Variants in SLC25A31 observed in about 807,000 individuals in gnomAD.
The protein encoded by SLC25A31 is ADP/ATP translocase 4.
A neutral mutation model predicts 36.2 loss-of-function variants in SLC25A31; 40 were observed. That is an observed-to-expected ratio of 1.10 (90% CI 0.86 to 1.44). The LOEUF is 1.44. Ranked by LOEUF, SLC25A31 falls within the 40% of genes most tolerant of loss-of-function variation. The probability of loss-of-function intolerance (pLI) is 0.00; values close to 1 mark genes in which losing one functional copy is unlikely to be tolerated. For missense variants in SLC25A31, 350 were observed against 397.1 expected (o/e 0.88, Z 1.01); for synonymous variants, 143 against 149.7 (o/e 0.96, Z 0.32).
intron 2 of SLC25A31, among the ~76,000 whole-genome samples, chr4:127,745,989 G>GT (rs1731819296): frequency 6.6e-6 from 1 of 151,954 alleles, no homozygotes; most frequent in South Asian, 2.1e-4. Context: ...CCCAATGTCT[G>GT]TTTTTTCCTT....
Position 127,744,789 on chromosome 4 carries a change from A to G in SLC25A31, c.350A>G (p.Lys117Arg). 6.6e-7 allele frequency: 1 copy of G among 1,520,952 alleles called. No homozygotes were observed. The highest frequency in any genetic ancestry group is 8.9e-7 in the Non-Finnish European group (1 of 1,127,116). The allele number at this position is 1,520,952 out of a possible 1,614,324, so 94.2% of individuals were successfully genotyped here. The change falls in exon 2 of 6, where the codon AAA (lysine) becomes AGA (arginine). Residue 117 changes from lysine to arginine, a missense_variant. Physicochemically the swap from Lys to Arg is conservative, Grantham distance 26 (BLOSUM62 2). Transcript: ENST00000281154. Reference sequence around the variant, plus strand: ...CAGCTATTCATGTCTGGAGTTAATAAAGAAAAACAGGTAATTATATTTTTT... The same window carrying G: ...CAGCTATTCATGTCTGGAGTTAATAGAGAAAAACAGGTAATTATATTTTTT... ...YKQLFMSGVNKEKQFWRWFLA... is the reference protein window; with the variant it reads ...YKQLFMSGVNREKQFWRWFLA...
At position 127,730,424 on chromosome 4, in the gene SLC25A31, C is replaced by A. The variant is rs1026903982; in HGVS notation, c.-122C>A. ...CGCCGGCGCGCGGCTCTCTCAGCGT[C>A]CCAAGAGCCACTTTCTCGCCAGTAC... is the stretch of plus-strand genomic sequence containing the variant. On this transcript the variant is annotated 5_prime_UTR_variant, in exon 1 of 6. Transcript: ENST00000281154. 1 of 1,102,154 alleles carries A rather than the reference C, an allele frequency of 9.1e-7. No individual in the cohort carries two copies. Among genetic ancestry groups the A allele is most frequent in the African/African-American group, 1.6e-5 (1 of 63,488 alleles). 68.3% of individuals were successfully genotyped at this position (1,102,154 alleles called of 1,614,324 possible). A position where few individuals can be genotyped will look rare whatever the true frequency, so the allele number is the denominator to read the frequency against.
intron 1 of SLC25A31, among the ~76,000 whole-genome samples, chr4:127,734,129 A>G (rs1731579767): frequency 6.6e-6 from 1 of 152,236 alleles, no homozygotes; most frequent in African/African-American, 2.4e-5. Flanking sequence ...TAGAAAATAT[A>G]AAGAAGCAAA....
chr4:127,768,408 G>T (rs1280552150), intron 4 of SLC25A31, among the ~76,000 whole-genome samples: 1 of 152,158 alleles, frequency 6.6e-6, no homozygotes, highest in South Asian at 2.1e-4. Context: ...ATGTGTTGAT[G>T]ATAAAAGCAA....
chr4:127,768,907 T>C, intron 5 of SLC25A31, 30 bp downstream of exon 5: 1 of 1,551,902 alleles, frequency 6.4e-7, no homozygotes, highest in Non-Finnish European at 8.6e-7. Context: ...CTAAGCTTAG[T>C]TGAGTTTTTA....
chr4:127,730,864 G>T (rs1435734910), intron 1 of SLC25A31, 87 bp downstream of exon 1: 26 of 1,275,858 alleles, frequency 2.0e-5, no homozygotes, highest in Non-Finnish European at 2.8e-5. Context: ...GGGCATGATT[G>T]TGGGCCCCAC....
chr4:127,734,526 C>T (rs1731586906), intron 1 of SLC25A31, among the ~76,000 whole-genome samples: 1 of 141,090 alleles, frequency 7.1e-6, no homozygotes, highest in Non-Finnish European at 1.5e-5. Flanking sequence ...TGCCACTACA[C>T]TCCATCCTGG....
At chr4:127,760,937 G>T (rs561484691) in intron 2 of SLC25A31, among the ~76,000 whole-genome samples, 1 of 152,306 alleles carries the variant, frequency 6.6e-6, no homozygotes, top group Non-Finnish European at 1.5e-5. Context: ...ACTCCAGCCT[G>T]GGCGGGGGGA....
At chr4:127,752,484 G>T (rs192321999) in intron 2 of SLC25A31, among the ~76,000 whole-genome samples, 1 of 151,920 alleles carries the variant, frequency 6.6e-6, no homozygotes, top group Admixed American at 6.6e-5. Context: ...GAGTTAATGG[G>T]TGCAGGACAC....
Position 127,763,043 on chromosome 4 carries a change from C to T in SLC25A31, c.361-1200C>T, listed in dbSNP as rs898826921. 4.6e-5 allele frequency among the ~76,000 whole-genome samples: 7 copies of T among 151,846 alleles called. No homozygotes were observed. The South Asian group carries it at 6.2e-4, about 13-fold the overall frequency. ...AAAAATAAGAGTCTGTGCAGTGAGT[C>T]GAGATCGCGCCACTGCACTCCAGCT... is the stretch of plus-strand genomic sequence containing the variant. On this transcript the variant is annotated intron_variant, in intron 2 of 5. Coordinates refer to ENST00000281154, the MANE Select transcript of SLC25A31 (RefSeq NM_031291.4).
At chr4:127,767,264 C>T in intron 4 of SLC25A31, 44 bp downstream of exon 4, 2 of 1,373,018 alleles carry the variant, frequency 1.5e-6, no homozygotes, top group South Asian at 1.9e-5. Context: ...TATATGGTTT[C>T]CATTTATTTA....
At chr4:127,762,923 C>CAAA (rs372222384) in intron 2 of SLC25A31, among the ~76,000 whole-genome samples, 1 of 72,226 alleles carries the variant, frequency 1.4e-5, no homozygotes. Flanking sequence ...GACTCTGTCT[C>CAAA]AAAAAAAAAA....
chr4:127,754,419 G>A (rs1731991935), intron 2 of SLC25A31, among the ~76,000 whole-genome samples: 1 of 151,792 alleles, frequency 6.6e-6, no homozygotes, highest in South Asian at 2.1e-4. Context: ...TGTTAGTACT[G>A]GTAAATGAAT....
At chr4:127,763,546 G>A (rs1578669853) in intron 2 of SLC25A31, among the ~76,000 whole-genome samples, 2 of 152,128 alleles carry the variant, frequency 1.3e-5, no homozygotes, top group South Asian at 2.1e-4. Flanking sequence ...AACCTGGGGA[G>A]GGCACATTTT....
At chr4:127,739,830 G>A (rs1397546564) in intron 1 of SLC25A31, among the ~76,000 whole-genome samples, 1 of 151,604 alleles carries the variant, frequency 6.6e-6, no homozygotes, top group East Asian at 1.9e-4. Flanking sequence ...CAGTCTTCAA[G>A]CTCTGCATTT....
At chr4:127,742,111 A>G (rs1731743339) in intron 1 of SLC25A31, among the ~76,000 whole-genome samples, 1 of 152,032 alleles carries the variant, frequency 6.6e-6, no homozygotes, top group Admixed American at 6.5e-5. Context: ...ATAAACTCTT[A>G]GTTTGACTGA....
chr4:127,758,057 C>T (rs1389523357), intron 2 of SLC25A31, among the ~76,000 whole-genome samples: 2 of 152,060 alleles, frequency 1.3e-5, no homozygotes, highest in East Asian at 3.9e-4. Context: ...AGTGGAAACC[C>T]CTGATAAACC....
chr4:127,744,068 C>T (rs1420327597), intron 1 of SLC25A31, among the ~76,000 whole-genome samples: 1 of 152,050 alleles, frequency 6.6e-6, no homozygotes, highest in Non-Finnish European at 1.5e-5. Context: ...TTGGTCAATC[C>T]CTGGAGAATT....
At chr4:127,760,723 T>C (rs969054391) in intron 2 of SLC25A31, among the ~76,000 whole-genome samples, 2 of 152,220 alleles carry the variant, frequency 1.3e-5, no homozygotes, top group Non-Finnish European at 2.9e-5. Flanking sequence ...CCCTTCCTGA[T>C]TCTTCTCCGT....
Sources: allele counts gnomAD v4.1 joint callset (sites outside exome capture counted in the v4.1 genomes callset), GRCh38; gene constraint gnomAD v4.1.1; transcripts MANE v1.5; gene names NCBI Gene and HGNC (gene_info 2026-07-23, HGNC 2026-07-21).